Variants in DGKA observed in about 807,000 individuals in gnomAD.
DGKA encodes diacylglycerol kinase alpha.
DGKA carries 35 observed loss-of-function variants against 105.0 expected under a neutral mutation model. That is an observed-to-expected ratio of 0.33 (90% CI 0.25 to 0.44). DGKA has a LOEUF of 0.44. Ranked by LOEUF, DGKA falls within the 20% of genes least tolerant of loss-of-function variation. DGKA has a pLI of 1.00. For synonymous variants in DGKA, 296 were observed against 332.0 expected, an observed-to-expected ratio of 0.89 and a Z score of 1.18; for missense variants, 665 against 915.0, an observed-to-expected ratio of 0.73 and a Z score of 3.53.
At chr12:55,943,769 T>C (rs1302878184) in intron 17 of DGKA, among the ~76,000 whole-genome samples, 1 of 152,176 alleles carries the variant, frequency 6.6e-6, no homozygotes, top group African/African-American at 2.4e-5. Context: ...TTATAACTTG[T>C]TTTATATATA....
At position 55,953,739 on chromosome 12, in the gene DGKA, TCCA is replaced by T. The variant is rs1440708805; in HGVS notation, c.2183_2185del (p.Thr728del). 3.7e-6 allele frequency: 6 copies of T among 1,614,052 alleles called. No individual in the cohort carries two copies. The Admixed American group carries it at 1.0e-4, about 27-fold the overall frequency. Reference sequence around the variant, plus strand: ...CATGCTCATGGGCCCACCCCCCCGCTCCACCAATTTCTTTGGCTTCTTGAGCTA... The same window carrying T: ...CATGCTCATGGGCCCACCCCCCCGCTCCAATTTCTTTGGCTTCTTGAGCTA... On this transcript the variant is annotated inframe_deletion, in exon 24 of 24. Coordinates refer to ENST00000331886, the MANE Select transcript of DGKA (RefSeq NM_001345.5).
At position 55,939,409 on chromosome 12, in the gene DGKA, T is replaced by C; in HGVS notation, c.595-6T>C. ...ACACTCCCTAGCATCTACTGTGCCT[T>C]CCTAGACTCTGAAGGACGACGGACA... On this transcript the variant is annotated splice_region_variant and splice_polypyrimidine_tract_variant and intron_variant, in intron 8 of 23. Transcript: ENST00000331886. The C allele has an allele frequency of 1.2e-6, 2 of 1,614,140 alleles. No individual in the cohort carries two copies. The highest frequency in any genetic ancestry group is 1.6e-4 in the Middle Eastern group (1 of 6,062).
At chr12:55,946,160 T>A (rs1167884580) in intron 17 of DGKA, among the ~76,000 whole-genome samples, 2 of 150,018 alleles carry the variant, frequency 1.3e-5, no homozygotes, top group Non-Finnish European at 2.9e-5. Context: ...TTTCTTTTTT[T>A]CTTTCTTCTT....
chr12:55,946,608 C>T (rs1273811323), intron 17 of DGKA, among the ~76,000 whole-genome samples: 1 of 152,134 alleles, frequency 6.6e-6, no homozygotes, highest in South Asian at 2.1e-4. Flanking sequence ...CCACCCGCCT[C>T]GGCCTCCTAA....
At position 55,952,927 on chromosome 12, in the gene DGKA, T is replaced by C. The variant is rs1172826304; in HGVS notation, c.1937T>C (p.Val646Ala). Residue 646 changes from valine (V) to alanine (A), a missense_variant, in exon 21 of 24, where the codon GTA (valine) becomes GCA (alanine). Physicochemically the swap from Val to Ala is moderately conservative, Grantham distance 64. Transcript: ENST00000331886. The surrounding 1 kb of genome is among the most constrained non-coding windows in gnomAD (Gnocchi z 5.1). ...GACCCTGATATCCTGAAAACCTGTG[T>C]ACCAGGTGAGAGGAGCAGCCTTGGG... ...ITDPDILKTC[V>A]PDLSDKRLEV... 1 of 1,614,138 alleles carries C rather than the reference T, an allele frequency of 6.2e-7. No homozygotes were observed. The highest frequency in any genetic ancestry group is 2.2e-5 in the East Asian group (1 of 44,888).
At chr12:55,948,703 C>T (rs1402230071) in intron 17 of DGKA, among the ~76,000 whole-genome samples, 1 of 142,306 alleles carries the variant, frequency 7.0e-6, no homozygotes, top group Non-Finnish European at 1.5e-5. Context: ...GGCAAGAGAG[C>T]AAGATCCTGT....
upstream of DGKA, among the ~76,000 whole-genome samples, chr12:55,930,073 T>A (rs528425780): frequency 6.6e-6 from 1 of 152,332 alleles, no homozygotes; most frequent in Admixed American, 6.5e-5. Flanking sequence ...GACAGAAAAC[T>A]GATAGGCAGA....
At position 55,951,692 on chromosome 12, in the gene DGKA, G is replaced by A. The variant is rs771305599; in HGVS notation, c.1496G>A (p.Arg499Gln). The A allele has an allele frequency of 1.9e-6, 3 of 1,614,078 alleles. No individual in the cohort carries two copies. Among genetic ancestry groups the A allele is most frequent in the South Asian group, 1.1e-5 (1 of 91,086 alleles). ...ATGAGTAAAGTGGTACATATGGATC[G>A]ATGGTCTGTGGAGGTGATACCTCAA... ...LEMSKVVHMD[R>Q]WSVEVIPQQT... The change falls in exon 18 of 24, where the codon CGA becomes CAA. Residue 499 changes from arginine to glutamine, a missense_variant. Physicochemically the swap from Arg to Gln is conservative, Grantham distance 43. Transcript: ENST00000331886.
rs1029048922 is a variant in DGKA at position 55,953,997 on chromosome 12, T to A, written c.*229T>A. The A allele has an allele frequency of 6.2e-6, 4 of 642,792 alleles. No individual in the cohort carries two copies. Among genetic ancestry groups the A allele is most frequent in the Non-Finnish European group, 1.1e-5 (4 of 379,738 alleles). The allele number at this position is 642,792 out of a possible 1,614,324, so 39.8% of individuals were successfully genotyped here. A position where few individuals can be genotyped will look rare whatever the true frequency, so the allele number is the denominator to read the frequency against. Reference sequence around the variant, plus strand: ...AAGTGCCTCATCTGAATAAAATGACTTGTGTTTCCCCTTTGGGATCTGCTA... The same window carrying A: ...AAGTGCCTCATCTGAATAAAATGACATGTGTTTCCCCTTTGGGATCTGCTA... On this transcript the variant is annotated 3_prime_UTR_variant, in exon 24 of 24. Transcript: ENST00000331886.
intron 4 of DGKA, 138 bp downstream of exon 4, chr12:55,937,681 G>A: frequency 3.5e-6 from 4 of 1,132,020 alleles, no homozygotes; most frequent in Non-Finnish European, 5.0e-6. Context: ...GGCTGGTCTA[G>A]GAGCTAAAGG....
At position 55,936,387 on chromosome 12, in the gene DGKA, G is replaced by A. The variant is rs959920654; in HGVS notation, c.-81-36G>A. ...AGAAGAAAAGACACCCAGACAGCTG[G>A]CTCTTCCCACTGTACGCTCTGTCAC... On this transcript the variant is annotated intron_variant, in intron 1 of 23. Coordinates refer to ENST00000331886, the MANE Select transcript of DGKA (RefSeq NM_001345.5). The A allele has an allele frequency of 3.4e-6, 5 of 1,473,110 alleles. No homozygotes were observed. In the African/African-American group the frequency reaches 7.1e-5, roughly 21 times the overall value. The allele number at this position is 1,473,110 out of a possible 1,614,324, so 91.3% of individuals were successfully genotyped here.
At chr12:55,936,947 G>C in intron 2 of DGKA, 70 bp from the exon 3 acceptor site, 1 of 1,352,168 alleles carries the variant, frequency 7.4e-7, no homozygotes, top group Non-Finnish European at 1.1e-6. Flanking sequence ...CTTTTTTCCT[G>C]CTGGATTTCT....
chr12:55,952,757 G>A lies in DGKA; in HGVS notation c.1767G>A (p.Leu589=). The change falls in exon 21 of 24, where the codon CTG becomes CTA. Residue 589 remains leucine, a synonymous_variant. Transcript: ENST00000331886. This position sits in a 1 kb window ranked among gnomAD's most constrained non-coding sequence, Gnocchi z 5.1. ...TVEICGKPLD[L]SNLSLEGIAV... ...AGATCTGTGGGAAACCGCTGGATCT[G>A]AGCAACCTGTCCCTAGAAGGCATCG... The A allele has an allele frequency of 6.2e-7, 1 of 1,614,062 alleles. No homozygotes were observed. The highest frequency in any genetic ancestry group is 8.5e-7 in the Non-Finnish European group (1 of 1,180,012).
At chr12:55,941,007 A>G in intron 13 of DGKA, 27 bp downstream of exon 13, 1 of 1,608,568 alleles carries the variant, frequency 6.2e-7, no homozygotes, top group Admixed American at 1.7e-5. Flanking sequence ...CTTGGGCTTC[A>G]TGATGGGGGC....
intron 17 of DGKA, chr12:55,942,563 G>T (rs1055644212): frequency 1.6e-5 from 6 of 375,254 alleles, no homozygotes; most frequent in African/African-American, 1.0e-4. Context: ...GGAACAATGT[G>T]TGAATAAGGA....
intron 2 of DGKA, chr12:55,936,813 C>A: frequency 1.3e-6 from 1 of 798,386 alleles, no homozygotes; most frequent in Non-Finnish European, 2.2e-6. Context: ...TTCGCTATAC[C>A]TGGACTGCTT....
At chr12:55,950,794 G>A (rs1022916132) in intron 17 of DGKA, among the ~76,000 whole-genome samples, 10 of 152,000 alleles carry the variant, frequency 6.6e-5, no homozygotes, top group Non-Finnish European at 1.5e-4. Flanking sequence ...GGCTGGTCTC[G>A]AACTCCTGGG....
chr12:55,927,627 G>A, upstream of DGKA: 1 of 1,454,134 alleles, frequency 6.9e-7, no homozygotes. Flanking sequence ...AAGGTGGGGA[G>A]GTCGAATTCG....
At position 55,940,333 on chromosome 12, in the gene DGKA, T is replaced by A. The variant is rs956250929; in HGVS notation, c.818T>A (p.Val273Glu). The A allele has an allele frequency of 6.2e-7, 1 of 1,614,074 alleles. No individual in the cohort carries two copies. Among genetic ancestry groups the A allele is most frequent in the African/African-American group, 1.3e-5 (1 of 74,924 alleles). The stretch of plus-strand genomic sequence containing the variant: ...CCCAAGGTCCAATCACATGTGTGGG[T>A]GCGAGGAGGCTGTGAGTCCGGGCGC... ...KDIGVQSHVW[V>E]RGGCESGRCD... Residue 273 changes from valine to glutamate, a missense_variant, in exon 11 of 24, where the codon GTG becomes GAG. Physicochemically the swap from Val to Glu is moderately radical, Grantham distance 121. This residue lies in a region of DGKA where 504 missense variants were observed against 681.2 expected (regional missense o/e 0.74). Coordinates refer to ENST00000331886, the MANE Select transcript of DGKA (RefSeq NM_001345.5). This position sits in a 1 kb window ranked among gnomAD's most constrained non-coding sequence, Gnocchi z 4.3.
Sources: allele counts gnomAD v4.1 joint callset (sites outside exome capture counted in the v4.1 genomes callset), GRCh38; gene constraint gnomAD v4.1.1; regional missense constraint gnomAD v4.1.1; non-coding constraint Gnocchi (gnomAD v3.1); transcripts MANE v1.5; gene names NCBI Gene and HGNC (gene_info 2026-07-23, HGNC 2026-07-21).